The following UNC13C variants were observed in gnomAD, a reference collection of about 807,000 sequenced individuals.
UNC13C encodes protein unc-13 homolog C.
Under a neutral mutation model 245.4 loss-of-function variants are expected in UNC13C, and 174 were observed. That is an observed-to-expected ratio of 0.71 (90% confidence interval 0.63 to 0.80). The LOEUF (loss-of-function observed/expected upper bound fraction) is 0.80, where lower values mean the gene tolerates loss of function less well. Ranked by LOEUF, UNC13C falls within the 30% of genes least tolerant of loss-of-function variation. The pLI, the probability that UNC13C is intolerant of heterozygous loss-of-function variation, is 0.00. For missense variants in UNC13C, 2,829 were observed against 2,602.9 expected, an observed-to-expected ratio of 1.09 and a Z score of -1.89; for synonymous variants, 992 against 895.1, an observed-to-expected ratio of 1.11 and a Z score of -1.93.
At chr15:54,143,519 A>G (rs981520212) in intron 3 of UNC13C, 101 bp from the exon 4 acceptor site, 7 of 815,836 alleles carry the variant, frequency 8.6e-6, no homozygotes, top group Non-Finnish European at 1.4e-5. Context: ...ACTAGGTGTT[A>G]CGTGTGTAGT....
chr15:54,325,185 C>T (rs1337378659), intron 14 of UNC13C, among the ~76,000 whole-genome samples: 1 of 151,708 alleles, frequency 6.6e-6, no homozygotes, highest in East Asian at 1.9e-4. Flanking sequence ...TTGAGCAGTG[C>T]CCATGATAAT....
At chr15:54,567,771 T>A (rs1468874249) in intron 29 of UNC13C, 29 bp from the exon 30 acceptor site, 1 of 1,557,400 alleles carries the variant, frequency 6.4e-7, no homozygotes. Context: ...TCTCTCTAAA[T>A]GCCTCGGCTT....
the UNC13C span, among the ~76,000 whole-genome samples, chr15:53,884,802 T>G: frequency 0.2 from 30,591 of 152,016 alleles, 3,453 homozygotes; most frequent in Non-Finnish European, 0.25. Context: ...GACTCTCTTC[T>G]CTAGTTCCCC....
intron 15 of UNC13C, 25 bp from the exon 16 acceptor site, chr15:54,333,742 T>C: frequency 1.3e-6 from 2 of 1,518,706 alleles, no homozygotes; most frequent in Non-Finnish European, 1.8e-6. Context: ...GACAACCTTA[T>C]CCATTTTGTT....
chr15:54,374,096 C>G (rs1034765505), intron 17 of UNC13C, among the ~76,000 whole-genome samples: 1 of 152,196 alleles, frequency 6.6e-6, no homozygotes, highest in Non-Finnish European at 1.5e-5. Flanking sequence ...GACAGGTCCT[C>G]TGAATGTCTC....
intron 4 of UNC13C, among the ~76,000 whole-genome samples, chr15:54,178,026 TAAA>T (rs2033673477): frequency 6.6e-6 from 1 of 152,128 alleles, no homozygotes; most frequent in South Asian, 2.1e-4. Context: ...TTTATAAAAA[TAAA>T]AACACTATAC....
the UNC13C span, among the ~76,000 whole-genome samples, chr15:53,850,277 T>A: frequency 9.2e-5 from 14 of 152,056 alleles, no homozygotes; most frequent in African/African-American, 3.4e-4. Flanking sequence ...TAGGCAGGCA[T>A]GGTGGCATGC....
intron 2 of UNC13C, among the ~76,000 whole-genome samples, chr15:54,068,259 C>T (rs184539779): frequency 6.6e-6 from 1 of 152,118 alleles, no homozygotes; most frequent in Non-Finnish European, 1.5e-5. Context: ...GAAAAATCAT[C>T]TAATTTGTTC....
Position 53,994,411 on chromosome 15 carries a change from A to G in UNC13C, c.-257+15484A>G, listed in dbSNP as rs193111536. Among the ~76,000 whole-genome samples the G allele has an allele frequency of 2.4e-3, 371 of 152,206 alleles. 1 individual carries two copies. Among genetic ancestry groups the G allele is most frequent in the African/African-American group, 8.6e-3 (356 of 41,538 alleles). ...CTCTCTTTAGTGTGATGCTAATTTA[A>G]ATTTTAATTATAAATGCCACACCCA... On this transcript the variant is annotated intron_variant, in intron 1 of 32. Coordinates refer to ENST00000260323, the MANE Select transcript of UNC13C (RefSeq NM_001080534.3).
At chr15:54,142,887 C>A (rs1018341688) in intron 2 of UNC13C, 131 bp from the exon 3 acceptor site, 10 of 804,546 alleles carry the variant, frequency 1.2e-5, no homozygotes, top group Admixed American at 4.5e-5. Flanking sequence ...TGGGCTCAAC[C>A]TTGAAACTCT....
At chr15:54,139,255 GCC>G (rs80330775) in intron 2 of UNC13C, among the ~76,000 whole-genome samples, 48,138 of 151,322 alleles carry the variant, frequency 0.32, 7,752 homozygotes, top group Admixed American at 0.37. Flanking sequence ...ACCGCATCCG[GCC>G]CAAATTTCCC....
chr15:53,858,325 A>G, the UNC13C span, among the ~76,000 whole-genome samples: 1,736 of 152,138 alleles, frequency 0.011, 28 homozygotes, highest in African/African-American at 0.04. Context: ...TCACTTTAGT[A>G]TTTTGACATG....
chr15:54,593,384 G>T (rs1353775634), intron 30 of UNC13C, among the ~76,000 whole-genome samples: 1 of 152,054 alleles, frequency 6.6e-6, no homozygotes, highest in Non-Finnish European at 1.5e-5. Flanking sequence ...AGTTTTCCTC[G>T]ATTATTTCTC....
the UNC13C span, among the ~76,000 whole-genome samples, chr15:53,943,416 C>G: frequency 0.029 from 4,418 of 152,088 alleles, 232 homozygotes; most frequent in African/African-American, 0.1. Context: ...TCTCAAATAA[C>G]AAGAATTATC....
intron 2 of UNC13C, among the ~76,000 whole-genome samples, chr15:54,132,279 C>T (rs1039008710): frequency 3.3e-5 from 5 of 151,912 alleles, no homozygotes; most frequent in African/African-American, 1.2e-4. Flanking sequence ...ACCATGTTAG[C>T]CAGGATGGTC....
At chr15:54,264,831 T>C (rs2036513855) in intron 9 of UNC13C, among the ~76,000 whole-genome samples, 1 of 151,892 alleles carries the variant, frequency 6.6e-6, no homozygotes, top group Non-Finnish European at 1.5e-5. Flanking sequence ...ATCTAGTAAA[T>C]TGGACTTCTG....
intron 19 of UNC13C, among the ~76,000 whole-genome samples, chr15:54,428,759 C>T (rs2040808725): frequency 1.3e-5 from 2 of 151,462 alleles, no homozygotes; most frequent in African/African-American, 4.8e-5. Context: ...TGAGTAAGTA[C>T]AGCTGCAGAA....
At chr15:54,529,859 C>G (rs565068575) in intron 25 of UNC13C, among the ~76,000 whole-genome samples, 1 of 152,100 alleles carries the variant, frequency 6.6e-6, no homozygotes, top group South Asian at 2.1e-4. Flanking sequence ...TTTTTCTTGC[C>G]TGCCCACACA....
chr15:54,205,646 G>C (rs2034684972), intron 4 of UNC13C, among the ~76,000 whole-genome samples: 1 of 151,992 alleles, frequency 6.6e-6, no homozygotes, highest in South Asian at 2.1e-4. Flanking sequence ...TGGAGCAACA[G>C]AAAACAGGCC....
Sources: allele counts gnomAD v4.1 joint callset (sites outside exome capture counted in the v4.1 genomes callset), GRCh38; gene constraint gnomAD v4.1.1; transcripts MANE v1.5; gene names NCBI Gene and HGNC (gene_info 2026-07-23, HGNC 2026-07-21).